The following SNTG1 variants were observed in gnomAD, a reference collection of about 807,000 sequenced individuals.
SNTG1 encodes syntrophin gamma 1.
SNTG1 carries 39 observed loss-of-function variants against 74.7 expected under a neutral mutation model. The observed-to-expected ratio is 0.52, with a 90% CI of 0.40 to 0.68. SNTG1 has a LOEUF of 0.68. Among genes scored for constraint, SNTG1 ranks in the 30% least tolerant of loss-of-function variants. The probability of loss-of-function intolerance (pLI) is 0.00; values close to 1 mark genes in which losing one functional copy is unlikely to be tolerated. For synonymous variants in SNTG1, 254 were observed against 217.1 expected (o/e 1.17, Z -1.49); for missense variants, 685 against 609.5 (o/e 1.12, Z -1.30).
intron 1 of SNTG1, among the ~76,000 whole-genome samples, chr8:50,089,305 A>T (rs1187739755): frequency 6.6e-6 from 1 of 151,978 alleles, no homozygotes; most frequent in Non-Finnish European, 1.5e-5. Context: ...TAAAAACCCT[A>T]GAAGAAAACC....
chr8:49,924,696 C>G (rs1806860394), intron 1 of SNTG1, among the ~76,000 whole-genome samples: 2 of 150,986 alleles, frequency 1.3e-5, no homozygotes, highest in South Asian at 4.2e-4. Flanking sequence ...TCCAAAAAGG[C>G]TAAAGAAAAG....
At chr8:50,086,314 A>G (rs866452659) in intron 1 of SNTG1, among the ~76,000 whole-genome samples, 2 of 152,162 alleles carry the variant, frequency 1.3e-5, no homozygotes, top group South Asian at 2.1e-4. Flanking sequence ...ATGGGTACAG[A>G]GGAAGAAGTT....
At chr8:50,640,477 A>C (rs1249125291) in intron 13 of SNTG1, among the ~76,000 whole-genome samples, 1 of 152,152 alleles carries the variant, frequency 6.6e-6, no homozygotes, top group African/African-American at 2.4e-5. Flanking sequence ...TAATCTTACT[A>C]AACTTGGAGA....
intron 15 of SNTG1, among the ~76,000 whole-genome samples, chr8:50,684,731 T>C (rs1323366055): frequency 7.1e-6 from 1 of 140,916 alleles, no homozygotes; most frequent in Non-Finnish European, 1.6e-5. Flanking sequence ...TTGTTTTTGT[T>C]TTTTTTTTCT....
chr8:50,077,260 A>C (rs1277444074), intron 1 of SNTG1, among the ~76,000 whole-genome samples: 1 of 152,188 alleles, frequency 6.6e-6, no homozygotes, highest in Non-Finnish European at 1.5e-5. Context: ...TCTGGTTGGC[A>C]GATATTTTGA....
intron 15 of SNTG1, among the ~76,000 whole-genome samples, chr8:50,684,097 T>C (rs968054845): frequency 5.9e-5 from 9 of 152,186 alleles, no homozygotes; most frequent in African/African-American, 2.2e-4. Flanking sequence ...GTTTGAATTA[T>C]TTTTTGGAGG....
intron 2 of SNTG1, among the ~76,000 whole-genome samples, chr8:50,283,655 T>G (rs375149303): frequency 6.6e-6 from 1 of 152,180 alleles, no homozygotes; most frequent in Non-Finnish European, 1.5e-5. Flanking sequence ...TCCTGAGAAG[T>G]TCATCTTGAA....
At chr8:50,234,780 C>T (rs2085805898) in intron 2 of SNTG1, among the ~76,000 whole-genome samples, 1 of 152,020 alleles carries the variant, frequency 6.6e-6, no homozygotes. Flanking sequence ...CTAAAAATGG[C>T]ATCAAGCAAT....
At chr8:50,513,078 G>A (rs994996844) in intron 9 of SNTG1, among the ~76,000 whole-genome samples, 4 of 152,166 alleles carry the variant, frequency 2.6e-5, no homozygotes, top group Admixed American at 1.3e-4. Context: ...TGATGGTGAT[G>A]TACAGATGGG....
chr8:50,459,495 C>T (rs1181034011), intron 8 of SNTG1, among the ~76,000 whole-genome samples: 1 of 151,658 alleles, frequency 6.6e-6, no homozygotes, highest in Non-Finnish European at 1.5e-5. Context: ...GAAATATACC[C>T]TTTTTATGCA....
intron 13 of SNTG1, among the ~76,000 whole-genome samples, chr8:50,631,922 C>T (rs1250263399): frequency 2.0e-5 from 3 of 152,206 alleles, no homozygotes; most frequent in Admixed American, 6.5e-5. Flanking sequence ...TAAATCAATG[C>T]TCACGTCTGC....
At chr8:50,587,797 C>CA (rs545632682) in intron 12 of SNTG1, among the ~76,000 whole-genome samples, 5,965 of 116,640 alleles carry the variant, frequency 0.051, 195 homozygotes, top group African/African-American at 0.11. Flanking sequence ...GACTTCGTCT[C>CA]AAAAAAAAAA....
At chr8:50,311,273 A>G (rs1430370328) in intron 2 of SNTG1, among the ~76,000 whole-genome samples, 1 of 152,202 alleles carries the variant, frequency 6.6e-6, no homozygotes, top group Non-Finnish European at 1.5e-5. Flanking sequence ...TACCTCTGTC[A>G]GCATTCATTA....
At chr8:50,398,825 G>A (rs1038017876) in intron 3 of SNTG1, among the ~76,000 whole-genome samples, 8 of 152,158 alleles carry the variant, frequency 5.3e-5, no homozygotes, top group African/African-American at 1.7e-4. Context: ...CAGCTACTTG[G>A]GAGGTGAGGC....
At chr8:50,786,028 T>A (rs564672324) in intron 18 of SNTG1, among the ~76,000 whole-genome samples, 17 of 152,062 alleles carry the variant, frequency 1.1e-4, no homozygotes, top group South Asian at 2.1e-4. Context: ...CAATTAAGAA[T>A]AAGAAAAGGA....
chr8:50,508,167 T>C (rs1358017347), intron 9 of SNTG1, among the ~76,000 whole-genome samples: 1 of 152,096 alleles, frequency 6.6e-6, no homozygotes, highest in Non-Finnish European at 1.5e-5. Flanking sequence ...GAACAAGCAG[T>C]GTTTGGTTTT....
chr8:50,271,134 G>A (rs2087755160), intron 2 of SNTG1, among the ~76,000 whole-genome samples: 1 of 152,138 alleles, frequency 6.6e-6, no homozygotes, highest in Non-Finnish European at 1.5e-5. Flanking sequence ...CCTGGCAAAC[G>A]TGATTAAGGG....
intron 1 of SNTG1, among the ~76,000 whole-genome samples, chr8:49,973,177 T>C (rs1244435319): frequency 2.6e-5 from 4 of 152,120 alleles, no homozygotes; most frequent in East Asian, 1.9e-4. Context: ...TGGAATACTA[T>C]GCAGCCATAA....
At chr8:50,705,030 A>G (rs2095438748) in intron 16 of SNTG1, among the ~76,000 whole-genome samples, 1 of 152,214 alleles carries the variant, frequency 6.6e-6, no homozygotes, top group Admixed American at 6.5e-5. Flanking sequence ...TAAATCTAAT[A>G]TAGAAAATAC....
Sources: allele counts gnomAD v4.1 joint callset (sites outside exome capture counted in the v4.1 genomes callset), GRCh38; gene constraint gnomAD v4.1.1; transcripts MANE v1.5; gene names NCBI Gene and HGNC (gene_info 2026-07-23, HGNC 2026-07-21).